EXPH5: variants seen among roughly 807,000 people sequenced by gnomAD.
EXPH5 encodes exophilin 5, also known as exophilin-5.
A neutral mutation model predicts 41.1 loss-of-function variants in EXPH5; 42 were observed. The observed-to-expected ratio is 1.02, with a 90% CI of 0.80 to 1.32. EXPH5 has a LOEUF of 1.32. EXPH5 is among the 40% of genes most tolerant of loss of function. EXPH5 has a pLI of 0.00. For synonymous variants in EXPH5, 798 were observed against 833.5 expected (o/e 0.96, Z 0.73); for missense variants, 2,298 against 2,314.5 (o/e 0.99, Z 0.15).
chr11:108,528,684 T>C (rs1337125982), intron 3 of EXPH5, among the ~76,000 whole-genome samples: 1 of 151,436 alleles, frequency 6.6e-6, no homozygotes, highest in African/African-American at 2.4e-5. Flanking sequence ...TCTTTTCTTT[T>C]TTTTCTTTCC....
rs767514994 is a variant in EXPH5, at chr11:108,509,643, G to A, written c.5864C>T (p.Pro1955Leu). Reference protein sequence around the residue: ...VPEDGLSPSEPLNIYEDDPVD... With the variant: ...VPEDGLSPSELLNIYEDDPVD... ...TGGGTCATCCTCATAGATATTAAGCGGTTCACTTGGAGATAAGCCATCTTC... is the reference window on the plus strand; with the variant it reads ...TGGGTCATCCTCATAGATATTAAGCAGTTCACTTGGAGATAAGCCATCTTC... The change falls in exon 6 of 6, where the codon CCG becomes CTG. Residue 1955 changes from proline (P) to leucine (L), a missense_variant. Transcript: ENST00000265843. 44 of 1,613,576 alleles carry A rather than the reference G, an allele frequency of 2.7e-5. No homozygotes were observed. The highest frequency in any genetic ancestry group is 2.4e-4 in the African/African-American group (18 of 74,860).
At chr11:108,587,237 A>G (rs1008393239) in intron 1 of EXPH5, among the ~76,000 whole-genome samples, 3 of 152,224 alleles carry the variant, frequency 2.0e-5, no homozygotes, top group Non-Finnish European at 2.9e-5. Flanking sequence ...CTCGTCATTT[A>G]GCATTAGGTA....
chr11:108,554,123 G>T (rs1394889718), intron 1 of EXPH5, among the ~76,000 whole-genome samples: 6 of 150,976 alleles, frequency 4.0e-5, no homozygotes, highest in Admixed American at 4.0e-4. Flanking sequence ...GAGTGCAGTG[G>T]TGTGATCTCA....
chr11:108,556,858 A>G (rs1231627632), intron 1 of EXPH5, among the ~76,000 whole-genome samples: 2 of 152,194 alleles, frequency 1.3e-5, no homozygotes, highest in Admixed American at 1.3e-4. Flanking sequence ...GCAGCTTCTC[A>G]TCATGCTTAG....
Position 108,539,117 on chromosome 11 carries a change from GA to G in EXPH5, c.349del (p.Ser117ProfsTer3). 1 of 1,611,372 alleles carries G rather than the reference GA, an allele frequency of 6.2e-7. No individual in the cohort carries two copies. The highest frequency in any genetic ancestry group is 8.5e-7 in the Non-Finnish European group (1 of 1,178,370). On this transcript the variant is annotated frameshift_variant, in exon 3 of 6. Transcript: ENST00000265843. LOFTEE classifies it high-confidence loss of function. ...TNQKKPTPFS[S>X]RMSFRSSFAS... ...AAATGACGATCTGAAGCTCATCCGG[GA>G]AGAAAAAGGTGTCGGCTTTTTTTGA...
At chr11:108,578,492 G>A (rs899873261) in intron 1 of EXPH5, among the ~76,000 whole-genome samples, 1 of 151,976 alleles carries the variant, frequency 6.6e-6, no homozygotes, top group Non-Finnish European at 1.5e-5. Context: ...GCTCTTTTTT[G>A]CTCAGGATTC....
At position 108,560,254 on chromosome 11, in the gene EXPH5, A is replaced by G. The variant is rs60639569; in HGVS notation, c.120-18442T>C. ...TGCTTCAGGATTCCCTCACTGGGTCAAAGGAAGCTTGTTGTTGACATCAGT... is the reference window on the plus strand; with the variant it reads ...TGCTTCAGGATTCCCTCACTGGGTCGAAGGAAGCTTGTTGTTGACATCAGT... On this transcript the variant is annotated intron_variant, in intron 1 of 5. Transcript: ENST00000265843. Among the ~76,000 whole-genome samples the G allele has an allele frequency of 8.8e-3, 1,348 of 152,342 alleles. 15 individuals are homozygous for G. The highest frequency in any genetic ancestry group is 0.03 in the African/African-American group (1,237 of 41,578).
intron 3 of EXPH5, among the ~76,000 whole-genome samples, chr11:108,534,838 T>C (rs1408740525): frequency 6.6e-6 from 1 of 152,174 alleles, no homozygotes; most frequent in Non-Finnish European, 1.5e-5. Flanking sequence ...TTGCTGGAAA[T>C]TGCCATAAGA....
chr11:108,531,013 A>G (rs1458506026), intron 3 of EXPH5, among the ~76,000 whole-genome samples: 1 of 152,186 alleles, frequency 6.6e-6, no homozygotes, highest in Non-Finnish European at 1.5e-5. Context: ...TGGTATCATG[A>G]AAACTATGCT....
intron 1 of EXPH5, among the ~76,000 whole-genome samples, chr11:108,578,299 C>A (rs531232457): frequency 4.0e-4 from 61 of 152,166 alleles, no homozygotes; most frequent in Non-Finnish European, 7.4e-4. Flanking sequence ...GGGATCCTTT[C>A]CCCATTGTAT....
chr11:108,517,490 G>T (rs2093734082), intron 5 of EXPH5, among the ~76,000 whole-genome samples: 1 of 152,224 alleles, frequency 6.6e-6, no homozygotes, highest in Non-Finnish European at 1.5e-5. Flanking sequence ...TCAAAGTGAA[G>T]CTGGTGGCGA....
intron 4 of EXPH5, among the ~76,000 whole-genome samples, chr11:108,521,030 C>T (rs1386104971): frequency 6.6e-6 from 1 of 152,212 alleles, no homozygotes; most frequent in Non-Finnish European, 1.5e-5. Context: ...CTCTGTCAAA[C>T]TGGCTCTGTC....
chr11:108,602,201 A>G, the EXPH5 span, among the ~76,000 whole-genome samples: 4 of 152,174 alleles, frequency 2.6e-5, no homozygotes, highest in Non-Finnish European at 4.4e-5. Context: ...TAATGCAGCC[A>G]TCCATTCATT....
intron 1 of EXPH5, among the ~76,000 whole-genome samples, chr11:108,553,669 C>T (rs1444484324): frequency 6.6e-6 from 1 of 152,128 alleles, no homozygotes; most frequent in African/African-American, 2.4e-5. Flanking sequence ...TTTGGTATCC[C>T]CAGGGCCTAG....
chr11:108,523,447 A>G (rs549133546), intron 4 of EXPH5, among the ~76,000 whole-genome samples: 18 of 152,290 alleles, frequency 1.2e-4, no homozygotes, highest in African/African-American at 3.6e-4. Context: ...ACTAATGTAC[A>G]TATCTTCAGT....
chr11:108,586,416 C>T (rs1202448432), intron 1 of EXPH5, among the ~76,000 whole-genome samples: 1 of 151,296 alleles, frequency 6.6e-6, no homozygotes, highest in Non-Finnish European at 1.5e-5. Flanking sequence ...GGATAAGTTA[C>T]TCCCTCCCTG....
chr11:108,577,675 G>A (rs943292873), intron 1 of EXPH5, among the ~76,000 whole-genome samples: 1 of 152,034 alleles, frequency 6.6e-6, no homozygotes, highest in Non-Finnish European at 1.5e-5. Context: ...TGCCCGCCTC[G>A]GCCTCCCAAA....
chr11:108,531,581 C>T (rs1330701698), intron 3 of EXPH5, among the ~76,000 whole-genome samples: 2 of 152,134 alleles, frequency 1.3e-5, no homozygotes, highest in Non-Finnish European at 2.9e-5. Context: ...AAATTAATTC[C>T]ACCTCCATTA....
At chr11:108,603,519 T>C in the EXPH5 span, among the ~76,000 whole-genome samples, 1 of 152,086 alleles carries the variant, frequency 6.6e-6, no homozygotes, top group Non-Finnish European at 1.5e-5. Context: ...TCTTAAAAAA[T>C]TGTTTTAAGA....
Sources: allele counts gnomAD v4.1 joint callset (sites outside exome capture counted in the v4.1 genomes callset), GRCh38; gene constraint gnomAD v4.1.1; transcripts MANE v1.5; gene names NCBI Gene and HGNC (gene_info 2026-07-23, HGNC 2026-07-21).